The following PRKAG2 variants were observed in gnomAD, a reference collection of about 807,000 sequenced individuals.
The protein encoded by PRKAG2 is protein kinase AMP-activated non-catalytic subunit gamma 2, also known as 5'-AMP-activated protein kinase subunit gamma-2.
In PRKAG2, 26 loss-of-function variants were observed where a neutral mutation model predicts 69.6. The ratio of observed to expected loss-of-function variants is 0.37; its 90% confidence interval spans 0.27 to 0.52. PRKAG2 has a LOEUF of 0.52. Ranked by LOEUF, PRKAG2 falls within the 20% of genes least tolerant of loss-of-function variation. The pLI is 0.90. For synonymous variants in PRKAG2, 293 were observed against 285.0 expected (o/e 1.03, Z -0.28); for missense variants, 557 against 740.0 (o/e 0.75, Z 2.87).
intron 1 of PRKAG2, among the ~76,000 whole-genome samples, chr7:151,821,053 G>GTAGAAGAGAGAGCCT (rs1216334379): frequency 4.6e-5 from 7 of 152,014 alleles, no homozygotes; most frequent in African/African-American, 7.2e-5. Context: ...CAGAAGGAAA[G>GTAGAAGAGAGAGCCT]CTGTGGAGAC....
At chr7:151,726,406 A>ACACG (rs1797983481) in intron 3 of PRKAG2, among the ~76,000 whole-genome samples, 3 of 146,272 alleles carry the variant, frequency 2.1e-5, no homozygotes, top group South Asian at 4.4e-4. Flanking sequence ...ACACACGCAC[A>ACACG]CACACACAGA....
chr7:151,754,535 T>C (rs2074938251), intron 3 of PRKAG2, among the ~76,000 whole-genome samples: 1 of 152,212 alleles, frequency 6.6e-6, no homozygotes, highest in Non-Finnish European at 1.5e-5. Context: ...AGGGGCAGAC[T>C]TGGGCAAGCC....
At chr7:151,730,874 G>A (rs935928314) in intron 3 of PRKAG2, among the ~76,000 whole-genome samples, 8 of 152,260 alleles carry the variant, frequency 5.3e-5, no homozygotes, top group East Asian at 1.9e-4. Context: ...GTAGTCATGC[G>A]GTGTGGGCTC....
chr7:151,671,129 G>A (rs552884804), intron 4 of PRKAG2, among the ~76,000 whole-genome samples: 73 of 138,546 alleles, frequency 5.3e-4, no homozygotes, highest in African/African-American at 1.8e-3. Flanking sequence ...AGCTGAGATC[G>A]CGGCAAGGCA....
chr7:151,631,661 A>G (rs1436374972), intron 5 of PRKAG2: 3 of 456,936 alleles, frequency 6.6e-6, no homozygotes, highest in East Asian at 1.4e-4. Context: ...ACAGGCGCAG[A>G]TAAGGGCACC....
At chr7:151,644,858 T>A (rs1220166732) in intron 4 of PRKAG2, among the ~76,000 whole-genome samples, 2 of 152,214 alleles carry the variant, frequency 1.3e-5, no homozygotes, top group African/African-American at 4.8e-5. Context: ...TCTCTTAACA[T>A]TTTTTATCAT....
chr7:151,814,427 G>A lies in PRKAG2; in HGVS notation c.115-27886C>T. 2 of 1,228,520 alleles carry A rather than the reference G, an allele frequency of 1.6e-6. No homozygotes were observed. The highest frequency in any genetic ancestry group is 2.0e-6 in the Non-Finnish European group (2 of 986,530). 76.1% of individuals were successfully genotyped at this position (1,228,520 alleles called of 1,614,324 possible). A position where few individuals can be genotyped will look rare whatever the true frequency, so the allele number is the denominator to read the frequency against. On this transcript the variant is annotated intron_variant, in intron 1 of 15. Transcript: ENST00000287878. The surrounding 1 kb of genome is among the most constrained non-coding windows in gnomAD (Gnocchi z 4.8). ...GCAGGTCTGCTTACTCAGCCCCAAGGGGTCCTGGAGGTCTTCTCTTCCAGA... is the reference window on the plus strand; with the variant it reads ...GCAGGTCTGCTTACTCAGCCCCAAGAGGTCCTGGAGGTCTTCTCTTCCAGA...
In PRKAG2 at chr7:151,675,809, G is replaced by A. The variant is rs367777291; in HGVS notation, c.467-172C>T. On this transcript the variant is annotated intron_variant, in intron 3 of 15. Coordinates refer to ENST00000287878, the MANE Select transcript of PRKAG2 (RefSeq NM_016203.4). ...CCGGCCTCCAGGAAGGGACATTGGAGGTGGTCAGAGGTCCCGCCATGGCAG... is the reference window on the plus strand; with the variant it reads ...CCGGCCTCCAGGAAGGGACATTGGAAGTGGTCAGAGGTCCCGCCATGGCAG... 4.5e-4 allele frequency among the ~76,000 whole-genome samples: 69 copies of A among 152,086 alleles called. No individual in the cohort carries two copies. The Middle Eastern group carries it at 0.014, about 30-fold the overall frequency.
At chr7:151,585,535 C>T (rs941803645) in intron 6 of PRKAG2, among the ~76,000 whole-genome samples, 2 of 152,220 alleles carry the variant, frequency 1.3e-5, no homozygotes, top group Admixed American at 6.5e-5. Flanking sequence ...TTCTCCCTCC[C>T]TGTTCTCAGC....
chr7:151,654,918 C>T (rs1024822227), intron 4 of PRKAG2, among the ~76,000 whole-genome samples: 4 of 152,190 alleles, frequency 2.6e-5, no homozygotes, highest in African/African-American at 9.7e-5. Flanking sequence ...GTCTCGAAAT[C>T]CTGGCCTCAA....
chr7:151,822,389 C>T (rs1255148929), intron 1 of PRKAG2, among the ~76,000 whole-genome samples: 1 of 152,158 alleles, frequency 6.6e-6, no homozygotes, highest in Non-Finnish European at 1.5e-5. Context: ...AATCAACTGA[C>T]CACGATGTAC....
At chr7:151,611,682 T>C (rs1021193224) in intron 5 of PRKAG2, among the ~76,000 whole-genome samples, 3 of 152,116 alleles carry the variant, frequency 2.0e-5, no homozygotes, top group Non-Finnish European at 4.4e-5. Flanking sequence ...ACAGCTTTCT[T>C]AGAAAAGACG....
Position 151,631,993 on chromosome 7 carries a change from G to A in PRKAG2, c.754+76C>T, listed in dbSNP as rs1308698620. On this transcript the variant is annotated intron_variant, in intron 5 of 15. Coordinates refer to ENST00000287878, the MANE Select transcript of PRKAG2 (RefSeq NM_016203.4). ...GGGGCAGCGCCGGAGATGGGGCGCGGGGTCCCCGCGGGTCCCGGTCCTCGG... is the reference window on the plus strand; with the variant it reads ...GGGGCAGCGCCGGAGATGGGGCGCGAGGTCCCCGCGGGTCCCGGTCCTCGG... 3 of 1,146,236 alleles carry A rather than the reference G, an allele frequency of 2.6e-6. No homozygotes were observed. In the African/African-American group the frequency reaches 5.0e-5, roughly 19 times the overall value. 71.0% of individuals were successfully genotyped at this position (1,146,236 alleles called of 1,614,324 possible). A position where few individuals can be genotyped will look rare whatever the true frequency, so the allele number is the denominator to read the frequency against.
At chr7:151,794,925 C>T (rs372729375) in intron 1 of PRKAG2, among the ~76,000 whole-genome samples, 1 of 152,202 alleles carries the variant, frequency 6.6e-6, no homozygotes, top group African/African-American at 2.4e-5. Context: ...GGCCTCCTCA[C>T]GTTGTGGTGG....
intron 5 of PRKAG2, among the ~76,000 whole-genome samples, chr7:151,598,634 G>GA (rs144278016): frequency 6.6e-6 from 1 of 150,612 alleles, no homozygotes; most frequent in African/African-American, 2.4e-5. Flanking sequence ...AATGCAAATA[G>GA]AAAAAAAAGG....
intron 3 of PRKAG2, among the ~76,000 whole-genome samples, chr7:151,744,401 C>T (rs953982001): frequency 3.3e-5 from 5 of 152,056 alleles, no homozygotes; most frequent in African/African-American, 1.2e-4. Flanking sequence ...ATGGTTGGTG[C>T]CTAGCCTCCA....
intron 14 of PRKAG2, 91 bp from the exon 15 acceptor site, chr7:151,560,708 T>A: frequency 6.7e-7 from 1 of 1,493,662 alleles, no homozygotes; most frequent in East Asian, 2.3e-5. Context: ...TGTTTTTATA[T>A]GATCAACACA....
intron 1 of PRKAG2, among the ~76,000 whole-genome samples, chr7:151,811,447 A>C (rs780100393): frequency 5.7e-4 from 87 of 152,260 alleles, no homozygotes; most frequent in Non-Finnish European, 1.2e-3. Context: ...AACACCCCCC[A>C]GTTCTTGGGC....
At chr7:151,769,024 C>G (rs2075887496) in intron 3 of PRKAG2, among the ~76,000 whole-genome samples, 1 of 152,178 alleles carries the variant, frequency 6.6e-6, no homozygotes, top group African/African-American at 2.4e-5. Flanking sequence ...TGGAGGGTGT[C>G]CCCCCAGTGC....
Sources: allele counts gnomAD v4.1 joint callset (sites outside exome capture counted in the v4.1 genomes callset), GRCh38; gene constraint gnomAD v4.1.1; non-coding constraint Gnocchi (gnomAD v3.1); transcripts MANE v1.5; gene names NCBI Gene and HGNC (gene_info 2026-07-23, HGNC 2026-07-21).